Variants in CNTLN observed in about 807,000 individuals in gnomAD.
CNTLN encodes centlein, centrosomal protein.
CNTLN carries 212 observed loss-of-function variants against 180.0 expected under a neutral mutation model. The ratio of observed to expected loss-of-function variants is 1.18; its 90% CI spans 1.05 to 1.32. The LOEUF is 1.32. CNTLN is among the 40% of genes most tolerant of loss of function. The probability of loss-of-function intolerance (pLI) is 0.00; values close to 1 mark genes in which losing one functional copy is unlikely to be tolerated. For synonymous variants in CNTLN, 722 were observed against 563.1 expected, an observed-to-expected ratio of 1.28 and a Z score of -3.99; for missense variants, 2,095 against 1,610.9, an observed-to-expected ratio of 1.30 and a Z score of -5.14.
At chr9:17,167,781 T>A (rs1194678691) in intron 2 of CNTLN, 1 of 152,216 alleles carries the variant, frequency 6.6e-6, no homozygotes, top group Non-Finnish European at 1.5e-5. Context: ...GTACACCGTG[T>A]TGCTTAGCTG....
At chr9:17,221,499 C>T (rs574192688) in intron 2 of CNTLN, among the ~76,000 whole-genome samples, 1 of 152,084 alleles carries the variant, frequency 6.6e-6, no homozygotes, top group East Asian at 1.9e-4. Flanking sequence ...AATAATAAAG[C>T]AAGATAAAGT....
intron 2 of CNTLN, among the ~76,000 whole-genome samples, chr9:17,210,964 C>A (rs1823260586): frequency 6.6e-6 from 1 of 152,122 alleles, no homozygotes; most frequent in South Asian, 2.1e-4. Flanking sequence ...ACCCCTTTGT[C>A]AGATGAGTAG....
intron 2 of CNTLN, among the ~76,000 whole-genome samples, chr9:17,164,657 G>A (rs1336901786): frequency 2.0e-5 from 3 of 150,914 alleles, no homozygotes; most frequent in Admixed American, 6.6e-5. Flanking sequence ...ATGTTGGCCA[G>A]GCTCGTCTCG....
At chr9:17,193,947 G>A (rs7034418) in intron 2 of CNTLN, among the ~76,000 whole-genome samples, 50,656 of 152,096 alleles carry the variant, frequency 0.33, 11,010 homozygotes, top group African/African-American at 0.61. Flanking sequence ...TGCAGGCTCA[G>A]CACCACATGG....
the CNTLN span, among the ~76,000 whole-genome samples, chr9:17,511,198 G>C: frequency 6.6e-6 from 1 of 152,122 alleles, no homozygotes; most frequent in Admixed American, 6.5e-5. Flanking sequence ...GAAAGCATGG[G>C]ATGATAAGGA....
intron 12 of CNTLN, among the ~76,000 whole-genome samples, chr9:17,345,844 G>A (rs1414989212): frequency 6.6e-6 from 1 of 152,056 alleles, no homozygotes; most frequent in Non-Finnish European, 1.5e-5. Flanking sequence ...TATAATAGAG[G>A]TATTGTTTAT....
chr9:17,311,748 G>A (rs145165145), intron 8 of CNTLN, among the ~76,000 whole-genome samples: 1 of 152,146 alleles, frequency 6.6e-6, no homozygotes, highest in Non-Finnish European at 1.5e-5. Flanking sequence ...GGCGGAGGTT[G>A]CAGTGAGCCA....
intron 13 of CNTLN, among the ~76,000 whole-genome samples, chr9:17,371,423 T>C (rs1015039066): frequency 1.3e-5 from 2 of 152,168 alleles, no homozygotes; most frequent in Non-Finnish European, 2.9e-5. Flanking sequence ...GATATCATAG[T>C]TGTAAATATA....
chr9:17,518,867 G>A, the CNTLN span, among the ~76,000 whole-genome samples: 8 of 152,116 alleles, frequency 5.3e-5, no homozygotes, highest in African/African-American at 1.7e-4. Flanking sequence ...TTCCCTGATG[G>A]CTCCCTGTGC....
chr9:17,424,869 A>G (rs1828970841), intron 18 of CNTLN, among the ~76,000 whole-genome samples: 1 of 152,154 alleles, frequency 6.6e-6, no homozygotes, highest in Non-Finnish European at 1.5e-5. Flanking sequence ...TGCCGGAACC[A>G]TGCTCTTAGA....
At chr9:17,196,411 G>C (rs570485729) in intron 2 of CNTLN, among the ~76,000 whole-genome samples, 2 of 152,038 alleles carry the variant, frequency 1.3e-5, no homozygotes, top group African/African-American at 2.4e-5. Context: ...TTTATAAAGG[G>C]ATTTTTAAAG....
chr9:17,252,172 A>G (rs898726922), intron 5 of CNTLN, among the ~76,000 whole-genome samples: 2 of 151,862 alleles, frequency 1.3e-5, no homozygotes, highest in African/African-American at 4.8e-5. Flanking sequence ...TATCTTTGCT[A>G]TTATGAATAA....
At chr9:17,393,563 C>T (rs117037109) in intron 14 of CNTLN, among the ~76,000 whole-genome samples, 1 of 152,120 alleles carries the variant, frequency 6.6e-6, no homozygotes, top group Admixed American at 6.6e-5. Flanking sequence ...AAGTTTACCT[C>T]TGTGAAATTT....
intron 25 of CNTLN, among the ~76,000 whole-genome samples, chr9:17,496,730 A>G (rs1476954943): frequency 6.6e-6 from 1 of 152,174 alleles, no homozygotes; most frequent in Non-Finnish European, 1.5e-5. Flanking sequence ...TAATGTCTAC[A>G]TTAAAAGGGA....
chr9:17,342,198 C>G (rs1821534440), intron 11 of CNTLN, 127 bp from the exon 12 acceptor site: 1 of 916,198 alleles, frequency 1.1e-6, no homozygotes. Context: ...GAAATTCATT[C>G]AATAAATGGT....
intron 6 of CNTLN, among the ~76,000 whole-genome samples, chr9:17,285,050 T>A (rs200954561): frequency 6.6e-6 from 1 of 151,384 alleles, no homozygotes; most frequent in South Asian, 2.1e-4. Context: ...CATGTGCACA[T>A]TGTGCAGGTT....
At chr9:17,289,994 C>T (rs1829257805) in intron 6 of CNTLN, among the ~76,000 whole-genome samples, 1 of 152,056 alleles carries the variant, frequency 6.6e-6, no homozygotes, top group Non-Finnish European at 1.5e-5. Context: ...CGTCTGAAGC[C>T]TTCTTCTCTC....
intron 5 of CNTLN, among the ~76,000 whole-genome samples, chr9:17,257,564 A>G (rs1164136843): frequency 1.3e-5 from 2 of 151,386 alleles, no homozygotes; most frequent in Non-Finnish European, 2.9e-5. Flanking sequence ...TGACTTCCAC[A>G]ATGGTTGAAT....
intron 2 of CNTLN, among the ~76,000 whole-genome samples, chr9:17,159,581 T>C (rs561246303): frequency 6.6e-6 from 1 of 152,276 alleles, no homozygotes; most frequent in African/African-American, 2.4e-5. Context: ...TCAATTGCAC[T>C]TGCGTTGGAC....
Sources: gnomAD v4.1 joint callset for allele counts (sites outside exome capture counted in the v4.1 genomes callset) on GRCh38, gnomAD v4.1.1 for gene constraint, MANE v1.5 for transcripts, NCBI Gene and HGNC (gene_info 2026-07-23, HGNC 2026-07-21) for gene names.